The following RASA2 variants were observed in gnomAD, a reference collection of about 807,000 sequenced individuals.
RASA2 encodes RAS p21 protein activator 2.
A neutral mutation model predicts 118.2 loss-of-function variants in RASA2; 155 were observed. The ratio of observed to expected loss-of-function variants is 1.31; its 90% CI spans 1.15 to 1.50. The LOEUF (loss-of-function observed/expected upper bound fraction) is 1.50. RASA2 is among the 40% of genes most tolerant of loss of function. RASA2 has a pLI of 0.00. For missense variants in RASA2, 1,016 were observed against 1,009.6 expected, an observed-to-expected ratio of 1.01 and a Z score of -0.09; for synonymous variants, 353 against 349.1, an observed-to-expected ratio of 1.01 and a Z score of -0.12.
chr3:141,505,774 TTG>T (rs35375776), intron 1 of RASA2, among the ~76,000 whole-genome samples: 45 of 150,456 alleles, frequency 3.0e-4, no homozygotes, highest in South Asian at 6.3e-4. Flanking sequence ...GTCTCTGTGT[TTG>T]TGTGTGTGTG....
intron 1 of RASA2, among the ~76,000 whole-genome samples, chr3:141,504,507 C>T (rs58990624): frequency 0.012 from 1,893 of 152,238 alleles, 43 homozygotes; most frequent in African/African-American, 0.043. Flanking sequence ...ATTTCTCACA[C>T]CCTGCAGTAA....
intron 11 of RASA2, among the ~76,000 whole-genome samples, chr3:141,571,861 C>G (rs973341421): frequency 1.3e-5 from 2 of 151,588 alleles, no homozygotes; most frequent in Non-Finnish European, 2.9e-5. Flanking sequence ...GTGTTTTTTT[C>G]TTTATTCATT....
chr3:141,555,323 TG>T (rs1283654257), intron 6 of RASA2, among the ~76,000 whole-genome samples: 6 of 152,192 alleles, frequency 3.9e-5, no homozygotes, highest in African/African-American at 1.4e-4. Context: ...TTGTGTAAGA[TG>T]TTAACACTGG....
At chr3:141,564,848 A>G (rs1165392331) in intron 9 of RASA2, among the ~76,000 whole-genome samples, 1 of 152,202 alleles carries the variant, frequency 6.6e-6, no homozygotes, top group Non-Finnish European at 1.5e-5. Context: ...CATTTCTATA[A>G]TAAAATGCAT....
chr3:141,595,920 G>C (rs1188148096), intron 19 of RASA2, among the ~76,000 whole-genome samples: 3 of 152,148 alleles, frequency 2.0e-5, no homozygotes, highest in African/African-American at 7.2e-5. Context: ...CACCTGGCCT[G>C]TACTTGAATA....
In RASA2 at chr3:141,609,715, G is replaced by A. The variant is rs984787951; in HGVS notation, c.2330-162G>A. On this transcript the variant is annotated intron_variant, in intron 22 of 23. Transcript: ENST00000286364. ...GTAAAAATACTGTTTTTGCATGAAT[G>A]TGATGATCCTAATAAATAAAATGTA... Among the ~76,000 whole-genome samples the A allele has an allele frequency of 5.9e-5, 9 of 152,244 alleles. No homozygotes were observed. The East Asian group carries it at 9.6e-4, about 16-fold the overall frequency.
intron 5 of RASA2, among the ~76,000 whole-genome samples, chr3:141,545,107 A>G (rs766231553): frequency 1.6e-4 from 25 of 152,194 alleles, no homozygotes; most frequent in Non-Finnish European, 3.2e-4. Flanking sequence ...GTTTGCCTAT[A>G]TAACAGACCT....
intron 3 of RASA2, among the ~76,000 whole-genome samples, chr3:141,519,458 AT>A (rs1411609226): frequency 6.6e-6 from 1 of 152,100 alleles, no homozygotes; most frequent in African/African-American, 2.4e-5. Context: ...GAGTTCTAAC[AT>A]TTATCCTTAA....
At position 141,540,531 on chromosome 3, in the gene RASA2, A is replaced by C; in HGVS notation, c.451-2A>C. On this transcript the variant is annotated splice_acceptor_variant, in intron 4 of 23. Coordinates refer to ENST00000286364, the MANE Select transcript of RASA2 (RefSeq NM_006506.5). LOFTEE classifies it high-confidence loss of function. ...CAGTTTGTAATCTTTTTGTCATTAT[A>C]GGGTAAAGTTCACCTTGAATTAAAA... The C allele has an allele frequency of 6.2e-7, 1 of 1,605,398 alleles. No individual in the cohort carries two copies. The highest frequency in any genetic ancestry group is 8.5e-7 in the Non-Finnish European group (1 of 1,173,136).
At chr3:141,566,363 A>T (rs994343184) in intron 9 of RASA2, among the ~76,000 whole-genome samples, 1 of 152,226 alleles carries the variant, frequency 6.6e-6, no homozygotes, top group African/African-American at 2.4e-5. Context: ...CTAACTACCA[A>T]TATAGAGGAA....
chr3:141,555,498 C>A (rs1042312043), intron 6 of RASA2, among the ~76,000 whole-genome samples: 1 of 151,928 alleles, frequency 6.6e-6, no homozygotes, highest in African/African-American at 2.4e-5. Context: ...TATTTTTCAA[C>A]ATAGATGAAG....
chr3:141,573,337 A>T (rs148477922), intron 13 of RASA2, 116 bp downstream of exon 13: 2 of 1,105,008 alleles, frequency 1.8e-6, no homozygotes, highest in Middle Eastern at 2.5e-4. Context: ...TTTATTCTTC[A>T]CATAAGCCTT....
intron 13 of RASA2, among the ~76,000 whole-genome samples, chr3:141,573,473 T>C (rs760523354): frequency 6.6e-6 from 1 of 152,208 alleles, no homozygotes; most frequent in Non-Finnish European, 1.5e-5. Flanking sequence ...ACTTAAGCTA[T>C]AGCTAGTTGC....
rs1268934567 is a variant in RASA2, at chr3:141,570,955, A to G, written c.907A>G (p.Thr303Ala). 1.9e-6 allele frequency: 3 copies of G among 1,611,508 alleles called. No homozygotes were observed. Among genetic ancestry groups the G allele is most frequent in the Admixed American group, 3.4e-5 (2 of 59,694 alleles). ...AGACAATGGAAACAAGTCATCCAAA[A>G]CTGATGACCTGGGGTCTCTTCGATT... ...PRDNGNKSSK[T>A]DDLGSLRLNI... The change falls in exon 10 of 24, where the codon ACT becomes GCT. Residue 303 changes from threonine to alanine, a missense_variant. Physicochemically the swap from Thr to Ala is moderately conservative, Grantham distance 58 (BLOSUM62 0). Coordinates refer to ENST00000286364, the MANE Select transcript of RASA2 (RefSeq NM_006506.5).
At chr3:141,514,698 T>C (rs897195465) in intron 2 of RASA2, among the ~76,000 whole-genome samples, 1 of 152,190 alleles carries the variant, frequency 6.6e-6, no homozygotes, top group Admixed American at 6.5e-5. Flanking sequence ...ATCAAAAGCA[T>C]GTGTCTAGAA....
rs560742641 is a variant in RASA2 at position 141,554,766 on chromosome 3, G to T, written c.611+826G>T. On this transcript the variant is annotated intron_variant, in intron 6 of 23. Transcript: ENST00000286364. ...TATGTAAAGTACCTAGTACCATGCC[G>T]GTATTTATTAGGTGCTCAAACAATA... Among the ~76,000 whole-genome samples, 169 of 152,156 alleles carry T rather than the reference G, an allele frequency of 1.1e-3. 1 individual carries two copies. Among genetic ancestry groups the T allele is most frequent in the African/African-American group, 3.8e-3 (158 of 41,504 alleles).
At chr3:141,608,905 A>G (rs570600366) in intron 21 of RASA2, among the ~76,000 whole-genome samples, 1 of 152,362 alleles carries the variant, frequency 6.6e-6, no homozygotes, top group East Asian at 1.9e-4. Flanking sequence ...AGAATAGGTA[A>G]ATTCATAGAA....
intron 1 of RASA2, among the ~76,000 whole-genome samples, chr3:141,488,154 T>C (rs1248989932): frequency 6.6e-6 from 1 of 152,196 alleles, no homozygotes; most frequent in Non-Finnish European, 1.5e-5. Context: ...GACCCTTTGG[T>C]GTCAGGTTGC....
chr3:141,603,072 C>A (rs1343991929), intron 19 of RASA2, among the ~76,000 whole-genome samples: 1 of 152,160 alleles, frequency 6.6e-6, no homozygotes, highest in East Asian at 1.9e-4. Context: ...AGTTCTTACC[C>A]TATGCGGTTT....
Sources: allele counts gnomAD v4.1 joint callset (sites outside exome capture counted in the v4.1 genomes callset), GRCh38; gene constraint gnomAD v4.1.1; transcripts MANE v1.5; gene names NCBI Gene and HGNC (gene_info 2026-07-23, HGNC 2026-07-21).